Variants in SPATA16 observed in about 807,000 individuals in gnomAD.
The protein encoded by SPATA16 is spermatogenesis associated 16.
Under a neutral mutation model 63.3 loss-of-function variants are expected in SPATA16, and 36 were observed. The ratio of observed to expected loss-of-function variants is 0.57; its 90% confidence interval spans 0.44 to 0.75. The LOEUF (loss-of-function observed/expected upper bound fraction) is 0.75. SPATA16 is among the 30% of genes least tolerant of loss of function. The probability of loss-of-function intolerance (pLI) is 0.00; values close to 1 mark genes in which losing one functional copy is unlikely to be tolerated. For missense variants in SPATA16, 646 were observed against 679.3 expected (o/e 0.95, Z 0.54); for synonymous variants, 203 against 216.7 (o/e 0.94, Z 0.56).
intron 10 of SPATA16, among the ~76,000 whole-genome samples, chr3:172,908,837 GT>G (rs11292582): frequency 0.016 from 2,361 of 147,668 alleles, 52 homozygotes; most frequent in African/African-American, 0.055. Flanking sequence ...GTACAATTAG[GT>G]TTTTTTTTTT....
chr3:173,044,516 G>T (rs768536488), intron 3 of SPATA16, among the ~76,000 whole-genome samples: 1 of 152,098 alleles, frequency 6.6e-6, no homozygotes, highest in Non-Finnish European at 1.5e-5. Context: ...TTTACCTTAA[G>T]ATCCTTGAAT....
At chr3:172,899,045 T>A (rs1032939836) in intron 10 of SPATA16, among the ~76,000 whole-genome samples, 1 of 152,016 alleles carries the variant, frequency 6.6e-6, no homozygotes, top group Non-Finnish European at 1.5e-5. Flanking sequence ...ACATTCTTTA[T>A]GATTTCAGTT....
intron 1 of SPATA16, among the ~76,000 whole-genome samples, chr3:173,135,083 C>T (rs992456657): frequency 5.9e-5 from 9 of 152,012 alleles, no homozygotes; most frequent in African/African-American, 2.2e-4. Flanking sequence ...GGACTTGTAT[C>T]CAGAATATAT....
At chr3:173,003,238 A>C (rs948149796) in intron 4 of SPATA16, among the ~76,000 whole-genome samples, 4 of 152,202 alleles carry the variant, frequency 2.6e-5, no homozygotes, top group African/African-American at 9.6e-5. Context: ...ACAAAGATAC[A>C]AATGAGTACT....
At chr3:173,023,137 A>ATG (rs11282206) in intron 3 of SPATA16, among the ~76,000 whole-genome samples, 12,759 of 139,836 alleles carry the variant, frequency 0.091, 611 homozygotes, top group Middle Eastern at 0.13. Context: ...ATGCTTGTGT[A>ATG]TGTGTGTGTG....
chr3:173,055,001 A>G (rs1479520799), intron 2 of SPATA16, among the ~76,000 whole-genome samples: 1 of 152,236 alleles, frequency 6.6e-6, no homozygotes, highest in Non-Finnish European at 1.5e-5. Flanking sequence ...GACACGAGCA[A>G]CCATTTCATA....
intron 4 of SPATA16, among the ~76,000 whole-genome samples, chr3:172,989,457 CAG>C (rs778877145): frequency 7.9e-5 from 12 of 152,134 alleles, no homozygotes; most frequent in South Asian, 2.1e-4. Flanking sequence ...ATCAGAGTAA[CAG>C]AGAGACAATA....
chr3:173,039,263 T>C (rs1735784692), intron 3 of SPATA16, among the ~76,000 whole-genome samples: 2 of 152,096 alleles, frequency 1.3e-5, no homozygotes, highest in South Asian at 2.1e-4. Context: ...AGAACTGATA[T>C]ATTAGAAAGT....
chr3:173,089,646 A>G (rs1737172906), intron 2 of SPATA16, among the ~76,000 whole-genome samples: 1 of 152,176 alleles, frequency 6.6e-6, no homozygotes, highest in South Asian at 2.1e-4. Flanking sequence ...AGGAATGTGA[A>G]CGACGAGGAC....
intron 5 of SPATA16, among the ~76,000 whole-genome samples, chr3:172,970,347 T>C (rs2108246257): frequency 6.6e-6 from 1 of 152,300 alleles, no homozygotes; most frequent in African/African-American, 2.4e-5. Flanking sequence ...CTATATCTTA[T>C]TCTTATAGAA....
At chr3:173,015,729 G>T (rs564496852) in intron 4 of SPATA16, among the ~76,000 whole-genome samples, 2 of 152,168 alleles carry the variant, frequency 1.3e-5, no homozygotes, top group African/African-American at 4.8e-5. Context: ...TAGTCATGGA[G>T]CACAAAGAGA....
intron 5 of SPATA16, among the ~76,000 whole-genome samples, chr3:172,968,566 C>T (rs1174834235): frequency 2.0e-5 from 3 of 152,172 alleles, no homozygotes; most frequent in Non-Finnish European, 4.4e-5. Flanking sequence ...GTAAAATCTA[C>T]ACATTAATTT....
intron 10 of SPATA16, among the ~76,000 whole-genome samples, chr3:172,899,773 T>A (rs1243253624): frequency 6.6e-6 from 1 of 152,108 alleles, no homozygotes. Flanking sequence ...GATATATCTT[T>A]TTGTATGGCT....
chr3:173,074,422 G>A (rs1188701395), intron 2 of SPATA16, among the ~76,000 whole-genome samples: 1 of 152,084 alleles, frequency 6.6e-6, no homozygotes, highest in African/African-American at 2.4e-5. Flanking sequence ...AATCATGGGG[G>A]CGATTTTCTC....
chr3:173,037,222 C>T (rs1577143006), intron 3 of SPATA16, among the ~76,000 whole-genome samples: 1 of 151,950 alleles, frequency 6.6e-6, no homozygotes, highest in Non-Finnish European at 1.5e-5. Flanking sequence ...TGCCCTCCTT[C>T]CTAAGACTAA....
chr3:172,971,461 G>A (rs532105623), intron 5 of SPATA16, among the ~76,000 whole-genome samples: 2 of 152,254 alleles, frequency 1.3e-5, no homozygotes, highest in Admixed American at 1.3e-4. Context: ...CATTTTGATG[G>A]TGGTGCATTT....
chr3:173,081,350 A>C (rs1034339076), intron 2 of SPATA16, among the ~76,000 whole-genome samples: 2 of 152,150 alleles, frequency 1.3e-5, no homozygotes, highest in Admixed American at 6.5e-5. Flanking sequence ...ATGCATCAAG[A>C]CTGGATGGTG....
intron 4 of SPATA16, among the ~76,000 whole-genome samples, chr3:173,012,507 A>T (rs1383864531): frequency 6.6e-6 from 1 of 152,222 alleles, no homozygotes; most frequent in Non-Finnish European, 1.5e-5. Flanking sequence ...TGGAGGCATC[A>T]CATTACCTGA....
intron 6 of SPATA16, among the ~76,000 whole-genome samples, chr3:172,945,164 G>T (rs1410752964): frequency 6.6e-6 from 1 of 152,014 alleles, no homozygotes; most frequent in Non-Finnish European, 1.5e-5. Context: ...CATTATTTTT[G>T]TGTCTTTTAG....
Sources: gnomAD v4.1 joint callset for allele counts (sites outside exome capture counted in the v4.1 genomes callset) on GRCh38, gnomAD v4.1.1 for gene constraint, MANE v1.5 for transcripts, NCBI Gene and HGNC (gene_info 2026-07-23, HGNC 2026-07-21) for gene names.